The following NTN4 variants were observed in gnomAD, a reference collection of about 807,000 sequenced individuals.
The protein encoded by NTN4 is netrin-4.
NTN4 carries 32 observed loss-of-function variants against 73.6 expected under a neutral mutation model. That is an observed-to-expected ratio of 0.44 (90% confidence interval 0.33 to 0.58). NTN4 has a LOEUF of 0.58. Ranked by LOEUF, NTN4 falls within the 20% of genes least tolerant of loss-of-function variation. The pLI, the probability that NTN4 is intolerant of heterozygous loss-of-function variation, is 0.04. For missense variants in NTN4, 654 were observed against 798.3 expected, an observed-to-expected ratio of 0.82 and a Z score of 2.18; for synonymous variants, 258 against 287.5, an observed-to-expected ratio of 0.90 and a Z score of 1.04.
chr12:95,663,465 G>A (rs902059879), intron 9 of NTN4: 1 of 152,196 alleles, frequency 6.6e-6, no homozygotes, highest in African/African-American at 2.4e-5. Flanking sequence ...TAGTTTTGGT[G>A]TTCTAAAATA....
At position 95,683,622 on chromosome 12, in the gene NTN4, G is replaced by A; in HGVS notation, c.1270C>T (p.Pro424Ser). The A allele has an allele frequency of 6.2e-7, 1 of 1,614,142 alleles. No homozygotes were observed. The change falls in exon 6 of 10, where the codon CCT (proline) becomes TCT (serine). Residue 424 changes from proline (P) to serine (S), a missense_variant. By Grantham distance (74) the Pro-to-Ser change is moderately conservative. Coordinates refer to ENST00000343702, the MANE Select transcript of NTN4 (RefSeq NM_021229.4). ...TCACAACGTCGCCCTGCCACCCCAG[G>A]CTTGCAAGGGCAGTCACCATTGCTG... Reference protein sequence around the residue: ...DPSNGDCPCKPGVAGRRCDRC... With the variant: ...DPSNGDCPCKSGVAGRRCDRC...
At chr12:95,672,755 C>T (rs2078243157) in intron 7 of NTN4, 2 of 1,355,990 alleles carry the variant, frequency 1.5e-6, no homozygotes, top group Non-Finnish European at 2.1e-6. Context: ...GATCAGCTAT[C>T]CTCCTGTGAG....
chr12:95,697,489 TG>T (rs2078451202), intron 5 of NTN4, among the ~76,000 whole-genome samples: 1 of 152,216 alleles, frequency 6.6e-6, no homozygotes, highest in African/African-American at 2.4e-5. Flanking sequence ...TGATGGTTTT[TG>T]TTGGCCTATC....
chr12:95,736,214 C>T (rs1249169804), intron 3 of NTN4, among the ~76,000 whole-genome samples: 1 of 152,150 alleles, frequency 6.6e-6, no homozygotes, highest in Non-Finnish European at 1.5e-5. Context: ...GCTGGGATTA[C>T]AGGTGTGAGC....
intron 7 of NTN4, 93 bp from the exon 8 acceptor site, chr12:95,670,239 C>A: frequency 2.9e-6 from 2 of 683,776 alleles, no homozygotes; most frequent in Non-Finnish European, 5.0e-6. Context: ...TAACACATCC[C>A]TTAAGCCTTG....
intron 2 of NTN4, among the ~76,000 whole-genome samples, chr12:95,770,080 TA>T (rs1224659022): frequency 6.6e-6 from 1 of 152,126 alleles, no homozygotes; most frequent in Non-Finnish European, 1.5e-5. Flanking sequence ...GTCTACTTAT[TA>T]AATTAGGTTA....
intron 3 of NTN4, among the ~76,000 whole-genome samples, chr12:95,731,470 G>A (rs1592691160): frequency 6.6e-6 from 1 of 152,286 alleles, no homozygotes; most frequent in African/African-American, 2.4e-5. Context: ...GGAGGCTGAG[G>A]CAGGAAAATC....
chr12:95,745,510 A>G (rs746882009), intron 2 of NTN4, among the ~76,000 whole-genome samples: 1 of 152,030 alleles, frequency 6.6e-6, no homozygotes, highest in Non-Finnish European at 1.5e-5. Context: ...TTTTTTTGCT[A>G]TCTTTTCCTT....
chr12:95,790,128 C>T lies in NTN4; in HGVS notation c.55+127G>A. On this transcript the variant is annotated intron_variant, in intron 1 of 9. Transcript: ENST00000343702. This position sits in a 1 kb window ranked among gnomAD's most constrained non-coding sequence, Gnocchi z 6.5. ...CCGGGGAAAGGAGGCGGAACATGGC[C>T]ACTCATTTCACCCTCGGGAGCAGCG... The T allele has an allele frequency of 2.8e-6, 2 of 714,114 alleles. No individual in the cohort carries two copies. Among genetic ancestry groups the T allele is most frequent in the Non-Finnish European group, 4.4e-6 (2 of 452,004 alleles). The allele number at this position is 714,114 out of a possible 1,614,324, so 44.2% of individuals were successfully genotyped here.
At chr12:95,736,371 CTG>C (rs915837846) in intron 3 of NTN4, among the ~76,000 whole-genome samples, 6 of 152,174 alleles carry the variant, frequency 3.9e-5, no homozygotes, top group African/African-American at 1.2e-4. Flanking sequence ...ATGGGGGCCT[CTG>C]TCATTTTGCT....
intron 2 of NTN4, among the ~76,000 whole-genome samples, chr12:95,761,631 C>G (rs546961697): frequency 1.8e-4 from 27 of 152,172 alleles, no homozygotes; most frequent in Middle Eastern, 3.4e-3. Context: ...CCGTGCCCAG[C>G]CCAAAAGAGA....
At position 95,659,171 on chromosome 12, in the gene NTN4, A is replaced by G; in HGVS notation, c.1802T>C (p.Ile601Thr). 1.2e-6 allele frequency: 2 copies of G among 1,613,766 alleles called. No individual in the cohort carries two copies. The highest frequency in any genetic ancestry group is 1.1e-5 in the South Asian group (1 of 91,018). The change falls in exon 10 of 10, where the codon ATT (isoleucine) becomes ACT (threonine). Residue 601 changes from isoleucine (I) to threonine (T), a missense_variant. Ile to Thr is a moderately conservative substitution (Grantham distance 89). Transcript: ENST00000343702. Reference sequence around the variant, plus strand: ...CTGGACAAAGCTTTTCATATTCACAATTAGTTTGCCTGTTCTTATATCCTC... The same window carrying G: ...CTGGACAAAGCTTTTCATATTCACAGTTAGTTTGCCTGTTCTTATATCCTC... ...GHEDIRTGKL[I>T]VNMKSFVQHW...
intron 3 of NTN4, among the ~76,000 whole-genome samples, chr12:95,725,142 C>A (rs551478202): frequency 4.6e-5 from 7 of 151,696 alleles, no homozygotes. Flanking sequence ...AAAGAGGCAG[C>A]AAAAATAGAA....
At chr12:95,713,837 T>C (rs1021757696) in intron 3 of NTN4, among the ~76,000 whole-genome samples, 2 of 152,144 alleles carry the variant, frequency 1.3e-5, no homozygotes, top group African/African-American at 4.8e-5. Flanking sequence ...TATTCTCATA[T>C]AATACACACC....
At position 95,715,888 on chromosome 12, in the gene NTN4, T is replaced by G. The variant is rs537569489; in HGVS notation, c.865-2550A>C. Among the ~76,000 whole-genome samples the G allele has an allele frequency of 7.2e-5, 11 of 152,252 alleles. No individual in the cohort carries two copies. The South Asian group carries it at 2.3e-3, about 32-fold the overall frequency. On this transcript the variant is annotated intron_variant, in intron 3 of 9. Transcript: ENST00000343702. Reference sequence around the variant, plus strand: ...AAAAGCTCTCAGGAAAAGTTGATGATTCTTTGTTTTACTTGTAGTACTAAA... The same window carrying G: ...AAAAGCTCTCAGGAAAAGTTGATGAGTCTTTGTTTTACTTGTAGTACTAAA...
Position 95,790,148 on chromosome 12 carries a change from G to T in NTN4, c.55+107C>A. ...ATGGCCACTCATTTCACCCTCGGGA[G>T]CAGCGCTCTGCGCTCGCAGCCCTGG... On this transcript the variant is annotated intron_variant, in intron 1 of 9. Transcript: ENST00000343702. This position sits in a 1 kb window ranked among gnomAD's most constrained non-coding sequence, Gnocchi z 6.5. 1 of 976,140 alleles carries T rather than the reference G, an allele frequency of 1.0e-6. No homozygotes were observed. Among genetic ancestry groups the T allele is most frequent in the Non-Finnish European group, 1.5e-6 (1 of 672,662 alleles). The allele number at this position is 976,140 out of a possible 1,614,324, so 60.5% of individuals were successfully genotyped here. A position where few individuals can be genotyped will look rare whatever the true frequency, so the allele number is the denominator to read the frequency against.
intron 5 of NTN4, among the ~76,000 whole-genome samples, chr12:95,700,476 T>C (rs1383497412): frequency 2.6e-5 from 4 of 152,118 alleles, no homozygotes. Flanking sequence ...GAGTAAGTGC[T>C]CCCTGGTGAT....
At chr12:95,782,551 CA>C (rs774339772) in intron 2 of NTN4, among the ~76,000 whole-genome samples, 5 of 152,158 alleles carry the variant, frequency 3.3e-5, no homozygotes, top group Non-Finnish European at 5.9e-5. Flanking sequence ...GCCTGCCTCC[CA>C]AAGTGCTGGG....
intron 9 of NTN4, among the ~76,000 whole-genome samples, chr12:95,662,198 C>T (rs1185816052): frequency 6.7e-6 from 1 of 149,026 alleles, no homozygotes; most frequent in Non-Finnish European, 1.5e-5. Flanking sequence ...CTCCCCTCCC[C>T]TTCCCTCCCC....
Sources: gnomAD v4.1 joint callset for allele counts (sites outside exome capture counted in the v4.1 genomes callset) on GRCh38, gnomAD v4.1.1 for gene constraint, Gnocchi (gnomAD v3.1) non-coding constraint, MANE v1.5 for transcripts, NCBI Gene and HGNC (gene_info 2026-07-23, HGNC 2026-07-21) for gene names.